The following TMEM132B variants were observed in gnomAD, a reference collection of about 807,000 sequenced individuals.
TMEM132B encodes the protein transmembrane protein 132B.
A neutral mutation model predicts 90.8 loss-of-function variants in TMEM132B; 18 were observed. The ratio of observed to expected loss-of-function variants is 0.20; its 90% confidence interval spans 0.14 to 0.29. The LOEUF is 0.29. TMEM132B is among the 10% of genes least tolerant of loss of function. TMEM132B has a pLI of 1.00. For missense variants in TMEM132B, 1,096 were observed against 1,326.8 expected, an observed-to-expected ratio of 0.83 and a Z score of 2.70; for synonymous variants, 504 against 523.3, an observed-to-expected ratio of 0.96 and a Z score of 0.50.
intron 1 of TMEM132B, among the ~76,000 whole-genome samples, 192 bp downstream of exon 1, chr12:125,187,058 C>G (rs949979995): frequency 1.3e-5 from 2 of 152,190 alleles, no homozygotes; most frequent in African/African-American, 4.8e-5. Flanking sequence ...GCCCGCCTGC[C>G]TTCTCCCCCA....
At chr12:125,317,260 G>A (rs1464209816) in intron 1 of TMEM132B, among the ~76,000 whole-genome samples, 1 of 152,162 alleles carries the variant, frequency 6.6e-6, no homozygotes, top group Non-Finnish European at 1.5e-5. Flanking sequence ...CAAAGCGATT[G>A]GAAGCACCTG....
At chr12:125,628,686 C>T (rs1317070667) in intron 5 of TMEM132B, among the ~76,000 whole-genome samples, 1 of 152,062 alleles carries the variant, frequency 6.6e-6, no homozygotes, top group Non-Finnish European at 1.5e-5. Context: ...GCTTTGGTTG[C>T]CTATGCTTGT....
intron 3 of TMEM132B, among the ~76,000 whole-genome samples, chr12:125,506,816 G>T (rs976359108): frequency 1.3e-5 from 2 of 152,198 alleles, no homozygotes; most frequent in African/African-American, 4.8e-5. Context: ...GACAGGGATT[G>T]GGTCTTATAT....
At chr12:125,624,149 A>T (rs1039726585) in intron 5 of TMEM132B, among the ~76,000 whole-genome samples, 6 of 152,234 alleles carry the variant, frequency 3.9e-5, no homozygotes, top group Non-Finnish European at 8.8e-5. Context: ...AGGTCCAATC[A>T]TGGAGGCCAG....
intron 4 of TMEM132B, among the ~76,000 whole-genome samples, chr12:125,561,455 G>A (rs1449551197): frequency 1.3e-5 from 2 of 152,088 alleles, no homozygotes; most frequent in African/African-American, 4.8e-5. Context: ...AACCACCATG[G>A]CACGTGTATA....
chr12:125,317,013 G>T (rs1404747227), intron 1 of TMEM132B, among the ~76,000 whole-genome samples: 1 of 152,128 alleles, frequency 6.6e-6, no homozygotes, highest in Admixed American at 6.5e-5. Flanking sequence ...TCCTGGCAGG[G>T]TGGTGAGAGG....
intron 5 of TMEM132B, chr12:125,585,361 G>T (rs1885156417): frequency 6.6e-6 from 1 of 152,156 alleles, no homozygotes; most frequent in Non-Finnish European, 1.5e-5. Flanking sequence ...AGTTTAGAAA[G>T]AGCTGAGCCA....
At chr12:125,477,642 C>G (rs1393605096) in intron 3 of TMEM132B, among the ~76,000 whole-genome samples, 1 of 151,964 alleles carries the variant, frequency 6.6e-6, no homozygotes. Context: ...GGGTAAAGTT[C>G]AAACATACTT....
At chr12:125,491,679 C>T (rs530465053) in intron 3 of TMEM132B, among the ~76,000 whole-genome samples, 3 of 152,326 alleles carry the variant, frequency 2.0e-5, no homozygotes, top group Non-Finnish European at 2.9e-5. Context: ...TATGATTTGC[C>T]GCTGGCCCAT....
At chr12:125,229,129 C>T (rs890743392) in intron 1 of TMEM132B, among the ~76,000 whole-genome samples, 1 of 152,182 alleles carries the variant, frequency 6.6e-6, no homozygotes, top group Admixed American at 6.5e-5. Context: ...AGCCTGGCCA[C>T]CGCCCACCTC....
rs1883186832 is a variant in TMEM132B at position 125,517,326 on chromosome 12, GATTTTTTTTT to G, written c.1107-2112_1107-2103del. Among the ~76,000 whole-genome samples, 8 of 88,024 alleles carry G rather than the reference GATTTTTTTTT, an allele frequency of 9.1e-5. 1 individual carries two copies. The highest frequency in any genetic ancestry group is 4.8e-5 in the Non-Finnish European group (2 of 41,930). 57.7% of individuals were successfully genotyped at this position (88,024 alleles called of 152,430 possible). ...CAGGCGCCCGCCACCATGCCCTGCT[GATTTTTTTTT>G]TTTTTTTTTTTTTTTTTTTTTTTTT... On this transcript the variant is annotated intron_variant, in intron 3 of 8. Transcript: ENST00000682704.
chr12:125,531,331 A>G (rs756046260), intron 4 of TMEM132B, among the ~76,000 whole-genome samples: 3 of 152,166 alleles, frequency 2.0e-5, no homozygotes, highest in African/African-American at 4.8e-5. Context: ...GGCTACTGGC[A>G]TATGCCACAA....
intron 1 of TMEM132B, among the ~76,000 whole-genome samples, chr12:125,293,406 C>G (rs969468398): frequency 1.3e-5 from 2 of 151,534 alleles, no homozygotes; most frequent in African/African-American, 4.8e-5. Flanking sequence ...CACCCAGGTT[C>G]TAAGCATAAT....
intron 3 of TMEM132B, among the ~76,000 whole-genome samples, chr12:125,510,409 GT>G (rs1882948459): frequency 6.6e-6 from 1 of 152,224 alleles, no homozygotes; most frequent in South Asian, 2.1e-4. Context: ...TGTTTGGGAA[GT>G]GGGGCAATGG....
intron 2 of TMEM132B, among the ~76,000 whole-genome samples, chr12:125,370,568 T>C (rs557920801): frequency 3.9e-5 from 6 of 152,144 alleles, no homozygotes; most frequent in African/African-American, 1.4e-4. Context: ...CCCATCAGGG[T>C]TTTCCTTCTT....
intron 3 of TMEM132B, among the ~76,000 whole-genome samples, chr12:125,440,052 C>A (rs1347076738): frequency 2.0e-5 from 3 of 152,100 alleles, no homozygotes; most frequent in African/African-American, 7.2e-5. Context: ...TTTTGATGTG[C>A]TGCTGGATTC....
chr12:125,505,166 C>CAAAA (rs71306287), intron 3 of TMEM132B, among the ~76,000 whole-genome samples: 1,595 of 28,488 alleles, frequency 0.056, 458 homozygotes, highest in African/African-American at 0.1. Flanking sequence ...CACCAGAGGA[C>CAAAA]AAAAAAAAAA....
chr12:125,507,984 G>C (rs1406785922), intron 3 of TMEM132B, among the ~76,000 whole-genome samples: 2 of 152,124 alleles, frequency 1.3e-5, no homozygotes, highest in African/African-American at 4.8e-5. Context: ...GATGCAGTTA[G>C]AGTGAGGTAT....
At chr12:125,422,654 C>T (rs1225946047) in intron 3 of TMEM132B, among the ~76,000 whole-genome samples, 1 of 152,170 alleles carries the variant, frequency 6.6e-6, no homozygotes, top group Non-Finnish European at 1.5e-5. Context: ...GCTGAGTGGA[C>T]CCTAAATCCA....
Sources: allele counts gnomAD v4.1 joint callset (sites outside exome capture counted in the v4.1 genomes callset), GRCh38; gene constraint gnomAD v4.1.1; transcripts MANE v1.5; gene names NCBI Gene and HGNC (gene_info 2026-07-23, HGNC 2026-07-21).